The following PIP4K2B variants were observed in gnomAD, a reference collection of about 807,000 sequenced individuals.
PIP4K2B encodes the protein phosphatidylinositol 5-phosphate 4-kinase type-2 beta.
PIP4K2B carries 3 observed loss-of-function variants against 42.0 expected under a neutral mutation model. That is an observed-to-expected ratio of 0.07 (90% CI 0.03 to 0.18). PIP4K2B has a LOEUF of 0.18. PIP4K2B is among the 10% of genes least tolerant of loss of function. PIP4K2B has a pLI of 1.00. For missense variants in PIP4K2B, 332 were observed against 562.3 expected, an observed-to-expected ratio of 0.59 and a Z score of 4.14; for synonymous variants, 204 against 210.1, an observed-to-expected ratio of 0.97 and a Z score of 0.25.
chr17:38,769,894 A>G (rs1307521709), intron 9 of PIP4K2B, 123 bp from the exon 10 acceptor site: 1 of 841,318 alleles, frequency 1.2e-6, no homozygotes, highest in Non-Finnish European at 2.0e-6. Context: ...ACCACCCCCA[A>G]CCCCACCAAG....
intron 1 of PIP4K2B, among the ~76,000 whole-genome samples, chr17:38,790,584 G>A (rs1156963448): frequency 6.6e-6 from 1 of 152,172 alleles, no homozygotes; most frequent in African/African-American, 2.4e-5. Context: ...TCAGTCTCCT[G>A]AGTAGCTGGG....
At chr17:38,776,920 C>G (rs920143133) in intron 7 of PIP4K2B, among the ~76,000 whole-genome samples, 1 of 152,154 alleles carries the variant, frequency 6.6e-6, no homozygotes, top group African/African-American at 2.4e-5. Context: ...TTTTTTGAGA[C>G]AGGGTCTTGC....
At position 38,780,671 on chromosome 17, in the gene PIP4K2B, T is replaced by C; in HGVS notation, c.355-67A>G. ...CAGAATTCTGACTTTCGCTGAGTCT[T>C]CCCTCAGGGGCTGGACTGCTTGAAA... On this transcript the variant is annotated intron_variant, in intron 3 of 9. Transcript: ENST00000619039. 3 of 1,519,032 alleles carry C rather than the reference T, an allele frequency of 2.0e-6. No individual in the cohort carries two copies. The East Asian group carries it at 6.8e-5, about 35-fold the overall frequency. 94.1% of individuals were successfully genotyped at this position (1,519,032 alleles called of 1,614,324 possible).
intron 3 of PIP4K2B, among the ~76,000 whole-genome samples, chr17:38,782,346 G>T (rs1909760996): frequency 6.6e-6 from 1 of 152,182 alleles, no homozygotes; most frequent in African/African-American, 2.4e-5. Flanking sequence ...TTGAGCACGG[G>T]CATGCGCCCA....
At chr17:38,770,266 G>A (rs1908938757) in intron 9 of PIP4K2B, among the ~76,000 whole-genome samples, 170 bp downstream of exon 9, 1 of 152,192 alleles carries the variant, frequency 6.6e-6, no homozygotes, top group South Asian at 2.1e-4. Flanking sequence ...GTGAAGGCAG[G>A]GAACATGGCA....
At chr17:38,785,609 G>A (rs559371091) in intron 2 of PIP4K2B, among the ~76,000 whole-genome samples, 1 of 152,176 alleles carries the variant, frequency 6.6e-6, no homozygotes, top group Non-Finnish European at 1.5e-5. Flanking sequence ...AACCCGGGAG[G>A]CAGAGGTTGC....
chr17:38,770,010 G>A (rs1200082302), intron 9 of PIP4K2B, among the ~76,000 whole-genome samples: 11 of 152,164 alleles, frequency 7.2e-5, no homozygotes, highest in Admixed American at 7.2e-4. Flanking sequence ...GAAAGGCAGT[G>A]GGGAGGTGGC....
chr17:38,794,171 C>T (rs1471008236), intron 1 of PIP4K2B, among the ~76,000 whole-genome samples: 2 of 152,182 alleles, frequency 1.3e-5, no homozygotes, highest in Non-Finnish European at 2.9e-5. Flanking sequence ...GGAAATTCTG[C>T]TATGTGCAAC....
chr17:38,783,486 G>A (rs1207378686), intron 3 of PIP4K2B, among the ~76,000 whole-genome samples: 5 of 152,200 alleles, frequency 3.3e-5, no homozygotes, highest in Non-Finnish European at 2.9e-5. Context: ...TAGGGCACAA[G>A]TTTAGGAGGT....
chr17:38,770,371 G>T, intron 9 of PIP4K2B, 65 bp downstream of exon 9: 1 of 916,214 alleles, frequency 1.1e-6, no homozygotes, highest in Non-Finnish European at 1.8e-6. Context: ...CCCTCCCTGG[G>T]GTCTGAGGGT....
At chr17:38,775,980 C>CTTTTTTTTTTTTTTTT in intron 7 of PIP4K2B, 11 of 400,646 alleles carry the variant, frequency 2.7e-5, no homozygotes, top group Non-Finnish European at 4.9e-5. Flanking sequence ...TGTTTGCTTC[C>CTTTTTTTTTTTTTTTT]TTTTTTTTTT....
intron 7 of PIP4K2B, 123 bp from the exon 8 acceptor site, chr17:38,771,395 A>AAC (rs2143318633): frequency 8.7e-7 from 1 of 1,155,426 alleles, no homozygotes; most frequent in South Asian, 1.5e-5. Context: ...TTTGAAATTC[A>AAC]ACAGAGAGTA....
Position 38,799,206 on chromosome 17 carries a change from C to T in PIP4K2B, c.159+60G>A. On this transcript the variant is annotated intron_variant, in intron 1 of 9. Transcript: ENST00000619039. The surrounding 1 kb of genome is among the most constrained non-coding windows in gnomAD (Gnocchi z 4.4). ...GGGCCTGCGGGGCAAGGGCCCAGGG[C>T]TGCAGGGGGCGTGGGAGCGCGCGGG... The T allele has an allele frequency of 6.6e-7, 1 of 1,508,772 alleles. No homozygotes were observed. The allele number at this position is 1,508,772 out of a possible 1,614,324, so 93.5% of individuals were successfully genotyped here.
At position 38,799,497 on chromosome 17, in the gene PIP4K2B, T is replaced by TC; in HGVS notation, c.-74dup. On this transcript the variant is annotated 5_prime_UTR_variant, in exon 1 of 10. Transcript: ENST00000619039. The surrounding 1 kb of genome is among the most constrained non-coding windows in gnomAD (Gnocchi z 4.4). ...GCGCACAAGCCAGCGGCCTCAGGCC[T>TC]CCCCCGGACCGATCCCCACCCCCGC... is the stretch of plus-strand genomic sequence containing the variant. The TC allele has an allele frequency of 7.2e-7, 1 of 1,395,796 alleles. No individual in the cohort carries two copies. The highest frequency in any genetic ancestry group is 9.2e-7 in the Non-Finnish European group (1 of 1,082,158). 86.5% of individuals were successfully genotyped at this position (1,395,796 alleles called of 1,614,324 possible).
intron 6 of PIP4K2B, 116 bp from the exon 7 acceptor site, chr17:38,777,916 C>T (rs865921203): frequency 9.6e-5 from 71 of 741,322 alleles, no homozygotes; most frequent in African/African-American, 7.1e-4. Context: ...GTCAGTGTAC[C>T]GACCCTCAAC....
chr17:38,784,509 T>C (rs544714797), intron 2 of PIP4K2B, among the ~76,000 whole-genome samples, 170 bp from the exon 3 acceptor site: 1 of 152,284 alleles, frequency 6.6e-6, no homozygotes, highest in African/African-American at 2.4e-5. Flanking sequence ...GTGCTGGGAT[T>C]ACGGGCATGA....
chr17:38,780,159 C>T (rs1275202797), intron 4 of PIP4K2B, among the ~76,000 whole-genome samples: 2 of 152,198 alleles, frequency 1.3e-5, no homozygotes, highest in Admixed American at 1.3e-4. Context: ...GGAAAAGAAA[C>T]AAGCCTGCCG....
At chr17:38,794,684 A>C (rs893232035) in intron 1 of PIP4K2B, among the ~76,000 whole-genome samples, 2 of 151,134 alleles carry the variant, frequency 1.3e-5, no homozygotes, top group African/African-American at 4.9e-5. Context: ...AATCTTCATG[A>C]CCTTGGGTTA....
At chr17:38,793,766 G>A (rs1217748393) in intron 1 of PIP4K2B, among the ~76,000 whole-genome samples, 1 of 152,046 alleles carries the variant, frequency 6.6e-6, no homozygotes, top group Non-Finnish European at 1.5e-5. Context: ...AGCTACTCGG[G>A]TGGCTAAGGC....
Sources: allele counts gnomAD v4.1 joint callset (sites outside exome capture counted in the v4.1 genomes callset), GRCh38; gene constraint gnomAD v4.1.1; non-coding constraint Gnocchi (gnomAD v3.1); transcripts MANE v1.5; gene names NCBI Gene and HGNC (gene_info 2026-07-23, HGNC 2026-07-21).